GPC6: variants seen among roughly 807,000 people sequenced by gnomAD.
GPC6 encodes the protein glypican 6.
In GPC6, 14 loss-of-function variants were observed where a neutral mutation model predicts 55.2. The ratio of observed to expected loss-of-function variants is 0.25; its 90% CI spans 0.17 to 0.40. GPC6 has a LOEUF of 0.40. Among genes scored for constraint, GPC6 ranks in the 10% least tolerant of loss-of-function variants. The pLI is 1.00. For synonymous variants in GPC6, 278 were observed against 259.6 expected, an observed-to-expected ratio of 1.07 and a Z score of -0.68; for missense variants, 641 against 708.5, an observed-to-expected ratio of 0.90 and a Z score of 1.08.
chr13:93,662,545 G>C (rs921343709), intron 2 of GPC6, among the ~76,000 whole-genome samples: 1 of 152,022 alleles, frequency 6.6e-6, no homozygotes, highest in African/African-American at 2.4e-5. Flanking sequence ...CAGGAGAATC[G>C]TTTGAACCCG....
chr13:93,642,714 AC>A (rs1880006676), intron 2 of GPC6, among the ~76,000 whole-genome samples: 1 of 152,054 alleles, frequency 6.6e-6, no homozygotes, highest in South Asian at 2.1e-4. Context: ...AACGATTTTT[AC>A]TCATTGCTGA....
At chr13:94,148,332 C>T (rs1451219326) in intron 4 of GPC6, among the ~76,000 whole-genome samples, 2 of 152,120 alleles carry the variant, frequency 1.3e-5, no homozygotes, top group African/African-American at 4.8e-5. Flanking sequence ...GCTGTCAGCA[C>T]ATATTACCAG....
intron 1 of GPC6, among the ~76,000 whole-genome samples, chr13:93,368,542 A>G (rs1307366537): frequency 6.6e-6 from 1 of 151,966 alleles, no homozygotes; most frequent in African/African-American, 2.4e-5. Context: ...TTTCATTTAT[A>G]TGCACCTTGG....
chr13:93,471,304 G>A (rs1042952827), intron 1 of GPC6, among the ~76,000 whole-genome samples: 11 of 150,882 alleles, frequency 7.3e-5, no homozygotes, highest in Non-Finnish European at 1.5e-4. Context: ...CATGAGGTCA[G>A]GAGATCAAGA....
rs74109181 is a variant in GPC6 at position 93,995,107 on chromosome 13, C to T, written c.712-32622C>T. ...TACACAAAATCATGGCCCCTGCATA[C>T]CTTTCCTGTTTTGTCACTGTATAAC... On this transcript the variant is annotated intron_variant, in intron 3 of 8. Transcript: ENST00000377047. 4.7e-3 allele frequency among the ~76,000 whole-genome samples: 719 copies of T among 152,180 alleles called. 7 individuals carry two copies. The highest frequency in any genetic ancestry group is 0.015 in the African/African-American group (620 of 41,530).
At chr13:93,436,690 C>T (rs946770152) in intron 1 of GPC6, among the ~76,000 whole-genome samples, 2 of 152,108 alleles carry the variant, frequency 1.3e-5, no homozygotes, top group Non-Finnish European at 2.9e-5. Flanking sequence ...GAAAAAAATG[C>T]ACCCCTTCAA....
In GPC6 at chr13:94,319,408, CGTTCTGTCTTAT is replaced by C. The variant is rs1283447012; in HGVS notation, c.1152+13289_1152+13300del. Among the ~76,000 whole-genome samples, 7 of 152,110 alleles carry C rather than the reference CGTTCTGTCTTAT, an allele frequency of 4.6e-5. No homozygotes were observed. The East Asian group carries it at 1.3e-3, about 29-fold the overall frequency. On this transcript the variant is annotated intron_variant, in intron 6 of 8. Transcript: ENST00000377047. ...ATATGCTGTTATTATGGGATAATTT[CGTTCTGTCTTAT>C]GTTGTGTGTGTTTTACACAAAACAA...
At chr13:93,558,567 T>C (rs2139454946) in intron 2 of GPC6, among the ~76,000 whole-genome samples, 1 of 152,334 alleles carries the variant, frequency 6.6e-6, no homozygotes, top group South Asian at 2.1e-4. Context: ...GAGGATACTT[T>C]GTTTCCATGA....
chr13:94,128,326 T>C (rs772500931), intron 4 of GPC6, among the ~76,000 whole-genome samples: 1 of 152,128 alleles, frequency 6.6e-6, no homozygotes, highest in Non-Finnish European at 1.5e-5. Context: ...GCTGATTTGG[T>C]TGTAGTTGTG....
intron 4 of GPC6, among the ~76,000 whole-genome samples, chr13:94,237,057 GACAGGAAACAAGA>G (rs1468659334): frequency 6.6e-6 from 1 of 152,108 alleles, no homozygotes; most frequent in Non-Finnish European, 1.5e-5. Context: ...AGGTTAAAAG[GACAGGAAACAAGA>G]TGCAAGAAGT....
At chr13:93,803,575 C>A (rs1250214654) in intron 2 of GPC6, among the ~76,000 whole-genome samples, 1 of 152,166 alleles carries the variant, frequency 6.6e-6, no homozygotes, top group Non-Finnish European at 1.5e-5. Flanking sequence ...AGCAATTTCA[C>A]AACTAAGTAT....
At chr13:94,257,778 G>T (rs72647607) in intron 4 of GPC6, among the ~76,000 whole-genome samples, 21 of 152,038 alleles carry the variant, frequency 1.4e-4, no homozygotes, top group Non-Finnish European at 2.8e-4. Context: ...TACTGCAACC[G>T]CCCTGGCAAA....
intron 1 of GPC6, among the ~76,000 whole-genome samples, chr13:93,440,630 T>C (rs1204379512): frequency 6.6e-6 from 1 of 152,170 alleles, no homozygotes; most frequent in Non-Finnish European, 1.5e-5. Context: ...ATTTTATTTA[T>C]TTATTTATTC....
intron 2 of GPC6, among the ~76,000 whole-genome samples, chr13:93,567,677 T>C (rs6492668): frequency 0.57 from 86,406 of 151,944 alleles, 26,586 homozygotes; most frequent in Non-Finnish European, 0.69. Flanking sequence ...GAATACACTA[T>C]ACTTCTTTTA....
At chr13:94,330,724 A>C (rs1877365791) in intron 6 of GPC6, among the ~76,000 whole-genome samples, 1 of 152,170 alleles carries the variant, frequency 6.6e-6, no homozygotes, top group South Asian at 2.1e-4. Flanking sequence ...GATAATAGTC[A>C]ATATGCAATG....
intron 3 of GPC6, among the ~76,000 whole-genome samples, chr13:93,971,386 C>G (rs776547131): frequency 6.6e-6 from 1 of 151,890 alleles, no homozygotes; most frequent in Non-Finnish European, 1.5e-5. Flanking sequence ...TTTTATTTTC[C>G]CTGAAAAACC....
At chr13:93,879,825 G>A (rs1053738376) in intron 3 of GPC6, among the ~76,000 whole-genome samples, 62 of 152,094 alleles carry the variant, frequency 4.1e-4, no homozygotes, top group South Asian at 1.0e-3. Flanking sequence ...TCTGAAAAAG[G>A]GCTAATATCC....
chr13:93,751,832 A>C (rs189474598), intron 2 of GPC6, among the ~76,000 whole-genome samples: 1 of 152,090 alleles, frequency 6.6e-6, no homozygotes, highest in African/African-American at 2.4e-5. Context: ...TTTTAGTGGA[A>C]GGATTTCTCT....
rs556879120 is a variant in GPC6 at position 93,407,265 on chromosome 13, TAGAG to T, written c.161-137986_161-137983del. On this transcript the variant is annotated intron_variant, in intron 1 of 8. Transcript: ENST00000377047. The stretch of plus-strand genomic sequence containing the variant: ...GGTATACATATGTATATTTTTTATT[TAGAG>T]AGAGAGAGAGAAAAAAGCAAATATG... Among the ~76,000 whole-genome samples, 7 of 151,772 alleles carry T rather than the reference TAGAG, an allele frequency of 4.6e-5. No individual in the cohort carries two copies. The South Asian group carries it at 8.3e-4, about 18-fold the overall frequency.
Sources: gnomAD v4.1 joint callset for allele counts (sites outside exome capture counted in the v4.1 genomes callset) on GRCh38, gnomAD v4.1.1 for gene constraint, MANE v1.5 for transcripts, NCBI Gene and HGNC (gene_info 2026-07-23, HGNC 2026-07-21) for gene names.